PRKN: variants seen among roughly 807,000 people sequenced by gnomAD.
PRKN encodes the protein parkin RBR E3 ubiquitin protein ligase, also known as E3 ubiquitin-protein ligase parkin.
PRKN carries 56 observed loss-of-function variants against 59.5 expected under a neutral mutation model. The ratio of observed to expected loss-of-function variants is 0.94; its 90% CI spans 0.76 to 1.18. The LOEUF is 1.18. Ranked by LOEUF, PRKN falls within the 50% of genes most tolerant of loss-of-function variation. PRKN has a pLI of 0.00. For synonymous variants in PRKN, 250 were observed against 222.1 expected (o/e 1.13, Z -1.12); for missense variants, 657 against 596.4 (o/e 1.10, Z -1.06).
intron 7 of PRKN, among the ~76,000 whole-genome samples, chr6:161,655,514 G>A (rs77166092): frequency 0.065 from 9,926 of 152,156 alleles, 543 homozygotes; most frequent in African/African-American, 0.14. Context: ...TCTCACCTCC[G>A]TCAGCACATG....
In PRKN at chr6:161,465,004, C is replaced by A. The variant is rs561190479; in HGVS notation, c.1084-78127G>T. 3.5e-4 allele frequency among the ~76,000 whole-genome samples: 54 copies of A among 152,306 alleles called. 2 individuals are homozygous for A. The South Asian group carries it at 5.4e-3, about 15-fold the overall frequency. On this transcript the variant is annotated intron_variant, in intron 9 of 11. Coordinates refer to ENST00000366898, the MANE Select transcript of PRKN (RefSeq NM_004562.3). Reference sequence around the variant, plus strand: ...GCAGAGCTCAGGTCCTTGTGGTCAACAAAAGCGATAGGCTGCGATCCTCTC... The same window carrying A: ...GCAGAGCTCAGGTCCTTGTGGTCAAAAAAAGCGATAGGCTGCGATCCTCTC...
intron 6 of PRKN, among the ~76,000 whole-genome samples, chr6:161,913,182 A>AG (rs1778430748): frequency 6.6e-6 from 1 of 151,786 alleles, no homozygotes; most frequent in East Asian, 1.9e-4. Flanking sequence ...AAAAAAAAAA[A>AG]AAAAAAAAGA....
At chr6:162,311,409 T>C (rs1235550971) in intron 2 of PRKN, among the ~76,000 whole-genome samples, 5 of 151,938 alleles carry the variant, frequency 3.3e-5, no homozygotes, top group African/African-American at 1.2e-4. Flanking sequence ...TAAAATCTAT[T>C]ATACAGGTGA....
rs1048245427 is a variant in PRKN, at chr6:161,502,087, T to C, written c.1083+46767A>G. On this transcript the variant is annotated intron_variant, in intron 9 of 11. Transcript: ENST00000366898. This position sits in a 1 kb window ranked among gnomAD's most constrained non-coding sequence, Gnocchi z 4.0. ...TGGGCATAAAAGCTTTTTTATGAGTTGTGTTAAAAACTGCTTTTTGTGGAT... is the reference window on the plus strand; with the variant it reads ...TGGGCATAAAAGCTTTTTTATGAGTCGTGTTAAAAACTGCTTTTTGTGGAT... Among the ~76,000 whole-genome samples the C allele has an allele frequency of 6.6e-6, 1 of 152,216 alleles. No individual in the cohort carries two copies. Among genetic ancestry groups the C allele is most frequent in the Non-Finnish European group, 1.5e-5 (1 of 68,040 alleles).
At chr6:162,498,307 C>T (rs1793166221) in intron 1 of PRKN, among the ~76,000 whole-genome samples, 1 of 151,262 alleles carries the variant, frequency 6.6e-6, no homozygotes, top group Non-Finnish European at 1.5e-5. Context: ...TCCTGTCCTT[C>T]CTGACACAGG....
At chr6:161,677,797 G>C (rs1785144220) in intron 7 of PRKN, among the ~76,000 whole-genome samples, 1 of 152,202 alleles carries the variant, frequency 6.6e-6, no homozygotes, top group Non-Finnish European at 1.5e-5. Flanking sequence ...TAAGGTGCTT[G>C]ACTTGAATCA....
At chr6:161,754,244 C>G (rs1033633617) in intron 7 of PRKN, among the ~76,000 whole-genome samples, 1 of 151,954 alleles carries the variant, frequency 6.6e-6, no homozygotes, top group Non-Finnish European at 1.5e-5. Context: ...CACAGCAGGC[C>G]ATGCTCAGGA....
At chr6:161,786,631 T>C (rs1185981759) in intron 6 of PRKN, among the ~76,000 whole-genome samples, 1 of 152,108 alleles carries the variant, frequency 6.6e-6, no homozygotes, top group Non-Finnish European at 1.5e-5. Context: ...TATAACTATG[T>C]TATAACAATA....
intron 5 of PRKN, among the ~76,000 whole-genome samples, chr6:162,036,679 C>T (rs1317177358): frequency 6.6e-6 from 1 of 152,036 alleles, no homozygotes. Flanking sequence ...CCACGCCTGG[C>T]CATCTGAAAT....
chr6:161,404,322 C>A (rs989235271), intron 9 of PRKN, among the ~76,000 whole-genome samples: 3 of 152,142 alleles, frequency 2.0e-5, no homozygotes, highest in Non-Finnish European at 4.4e-5. Flanking sequence ...GGCACCTAGA[C>A]AGAAAATTGT....
chr6:161,527,445 C>G lies in PRKN; in HGVS notation c.1083+21409G>C, dbSNP rs1779055276. ...AAGGGCTGGGAAACAGGGCATTTCC[C>G]TCCCTGAACCTTACAACCTGCTGGA... On this transcript the variant is annotated intron_variant, in intron 9 of 11. Coordinates refer to ENST00000366898, the MANE Select transcript of PRKN (RefSeq NM_004562.3). This position sits in a 1 kb window ranked among gnomAD's most constrained non-coding sequence, Gnocchi z 4.6. 6.6e-6 allele frequency among the ~76,000 whole-genome samples: 1 copy of G among 152,200 alleles called. No individual in the cohort carries two copies. The highest frequency in any genetic ancestry group is 1.5e-5 in the Non-Finnish European group (1 of 68,036).
At chr6:162,584,251 A>C (rs9458615) in intron 1 of PRKN, among the ~76,000 whole-genome samples, 55,265 of 121,012 alleles carry the variant, frequency 0.46, 11,901 homozygotes, top group Non-Finnish European at 0.56. Context: ...AAAAACAAAA[A>C]AAAAAAAAAC....
At chr6:162,122,643 C>A (rs1780960907) in intron 4 of PRKN, among the ~76,000 whole-genome samples, 1 of 152,120 alleles carries the variant, frequency 6.6e-6, no homozygotes, top group Non-Finnish European at 1.5e-5. Context: ...TGATGGACTG[C>A]TGACTGACCT....
intron 1 of PRKN, among the ~76,000 whole-genome samples, chr6:162,638,169 T>C (rs1463484546): frequency 2.4e-5 from 3 of 126,110 alleles, no homozygotes; most frequent in East Asian, 2.2e-4. Flanking sequence ...ATTATTTCTT[T>C]TTCTCCACAC....
intron 6 of PRKN, among the ~76,000 whole-genome samples, chr6:161,852,719 G>A (rs1793489562): frequency 6.6e-6 from 1 of 152,156 alleles, no homozygotes; most frequent in African/African-American, 2.4e-5. Context: ...ACCCCTGAAT[G>A]TATGTCAGCA....
In PRKN at chr6:161,373,139, C is replaced by T. The variant is rs574181000; in HGVS notation, c.1168-12934G>A. ...AGAATTTTTCTCTTCTCTGGGAAAC[C>T]GAGGTCTTTGCTCGTCAGGCCTTCC... On this transcript the variant is annotated intron_variant, in intron 10 of 11. Coordinates refer to ENST00000366898, the MANE Select transcript of PRKN (RefSeq NM_004562.3). This position sits in a 1 kb window ranked among gnomAD's most constrained non-coding sequence, Gnocchi z 4.8. Among the ~76,000 whole-genome samples the T allele has an allele frequency of 6.6e-6, 1 of 152,250 alleles. No homozygotes were observed. The highest frequency in any genetic ancestry group is 1.5e-5 in the Non-Finnish European group (1 of 68,026).
chr6:162,105,464 C>T (rs988791047), intron 4 of PRKN, among the ~76,000 whole-genome samples: 10 of 152,194 alleles, frequency 6.6e-5, no homozygotes, highest in African/African-American at 1.9e-4. Flanking sequence ...TGCAATGGCG[C>T]GATTTCGGCT....
intron 7 of PRKN, among the ~76,000 whole-genome samples, chr6:161,774,068 CA>C (rs1418499848): frequency 6.6e-6 from 1 of 152,052 alleles, no homozygotes; most frequent in African/African-American, 2.4e-5. Context: ...TTTCCAAGGC[CA>C]AAAAGATGAC....
chr6:161,926,943 C>T (rs2128240035), intron 6 of PRKN, among the ~76,000 whole-genome samples: 1 of 152,136 alleles, frequency 6.6e-6, no homozygotes, highest in East Asian at 1.9e-4. Context: ...TTTGCTTCTC[C>T]TTTTTAAAAG....
Sources: gnomAD v4.1 joint callset for allele counts (sites outside exome capture counted in the v4.1 genomes callset) on GRCh38, gnomAD v4.1.1 for gene constraint, Gnocchi (gnomAD v3.1) non-coding constraint, MANE v1.5 for transcripts, NCBI Gene and HGNC (gene_info 2026-07-23, HGNC 2026-07-21) for gene names.